Variants in PIEZO2 observed in about 807,000 individuals in gnomAD.
The protein encoded by PIEZO2 is piezo-type mechanosensitive ion channel component 2.
PIEZO2 carries 172 observed loss-of-function variants against 337.3 expected under a neutral mutation model. The ratio of observed to expected loss-of-function variants is 0.51; its 90% CI spans 0.45 to 0.58. The LOEUF is 0.58. Among genes scored for constraint, PIEZO2 ranks in the 20% least tolerant of loss-of-function variants. The pLI is 0.00. For synonymous variants in PIEZO2, 1,251 were observed against 1,228.5 expected (o/e 1.02, Z -0.38); for missense variants, 3,028 against 3,391.3 (o/e 0.89, Z 2.66).
chr18:10,872,626 G>A lies in PIEZO2; in HGVS notation c.330-1211C>T, dbSNP rs1306173762. Among the ~76,000 whole-genome samples, 1 of 152,154 alleles carries A rather than the reference G, an allele frequency of 6.6e-6. No homozygotes were observed. Among genetic ancestry groups the A allele is most frequent in the Admixed American group, 6.5e-5 (1 of 15,280 alleles). On this transcript the variant is annotated intron_variant, in intron 4 of 55. Transcript: ENST00000674853. The surrounding 1 kb of genome is among the most constrained non-coding windows in gnomAD (Gnocchi z 4.3). ...ATCCGGTGCTAGATGCCTGCCCTGT[G>A]TGCCTTTGCAACACTGAGCAACTGG...
rs746580070 is a variant in PIEZO2, at chr18:10,748,462, C to T, written c.4424+9G>A. On this transcript the variant is annotated intron_variant, in intron 30 of 55. Coordinates refer to ENST00000674853, the MANE Select transcript of PIEZO2 (RefSeq NM_001378183.1). The surrounding 1 kb of genome is among the most constrained non-coding windows in gnomAD (Gnocchi z 5.1). ...GGGAGAAACCACCTGATTTCATGGC[C>T]TGACCCACCTTGATGCCAGAATCTG... 7 of 1,536,648 alleles carry T rather than the reference C, an allele frequency of 4.6e-6. No individual in the cohort carries two copies. The highest frequency in any genetic ancestry group is 2.4e-5 in the South Asian group (2 of 83,942).
Position 11,099,310 on chromosome 18 carries a change from C to A in PIEZO2, c.65-33088G>T, listed in dbSNP as rs539667042. Among the ~76,000 whole-genome samples the A allele has an allele frequency of 9.9e-5, 15 of 152,268 alleles. No homozygotes were observed. The South Asian group carries it at 3.1e-3, about 32-fold the overall frequency. On this transcript the variant is annotated intron_variant, in intron 1 of 55. Transcript: ENST00000674853. The surrounding 1 kb of genome is among the most constrained non-coding windows in gnomAD (Gnocchi z 5.4). Reference sequence around the variant, plus strand: ...TTAAATTTTGATAGACAATATCAAACTTGTCTCCAAAAAACAAACTTTGAA... The same window carrying A: ...TTAAATTTTGATAGACAATATCAAAATTGTCTCCAAAAAACAAACTTTGAA...
At chr18:10,725,041 G>A in intron 36 of PIEZO2, 1 of 1,577,536 alleles carries the variant, frequency 6.3e-7, no homozygotes, top group Non-Finnish European at 8.7e-7. Context: ...CATGTTGGTG[G>A]CCCTGCGGCC....
chr18:10,998,583 A>G (rs1215045514), intron 2 of PIEZO2, among the ~76,000 whole-genome samples: 1 of 152,150 alleles, frequency 6.6e-6, no homozygotes, highest in Non-Finnish European at 1.5e-5. Flanking sequence ...CCTAATAAAT[A>G]TCCACTCATA....
intron 4 of PIEZO2, chr18:10,890,758 A>T (rs1029133088): frequency 1.3e-5 from 2 of 151,528 alleles, no homozygotes; most frequent in African/African-American, 4.9e-5. Context: ...GTGGTGACAC[A>T]GCCAAATCAT....
At chr18:11,055,870 T>C (rs940845088) in intron 2 of PIEZO2, among the ~76,000 whole-genome samples, 9 of 152,166 alleles carry the variant, frequency 5.9e-5, no homozygotes, top group Non-Finnish European at 1.0e-4. Flanking sequence ...CTGGGTGTGA[T>C]AGCCACTTCT....
intron 2 of PIEZO2, among the ~76,000 whole-genome samples, chr18:10,998,877 A>AAG (rs2035432574): frequency 6.6e-6 from 1 of 151,570 alleles, no homozygotes; most frequent in African/African-American, 2.4e-5. Context: ...AAAAAAAAAA[A>AAG]AAGAAAGATT....
intron 7 of PIEZO2, among the ~76,000 whole-genome samples, chr18:10,812,476 T>A (rs987102926): frequency 1.3e-5 from 2 of 152,140 alleles, no homozygotes; most frequent in Non-Finnish European, 1.5e-5. Context: ...TGCAACACGC[T>A]ATTTATAGAT....
At chr18:10,702,658 G>A (rs1486444916) in intron 42 of PIEZO2, among the ~76,000 whole-genome samples, 1 of 152,180 alleles carries the variant, frequency 6.6e-6, no homozygotes, top group Non-Finnish European at 1.5e-5. Flanking sequence ...TGCCACATTA[G>A]TCTGGGAGCC....
chr18:10,711,477 A>C (rs565784025), intron 39 of PIEZO2, among the ~76,000 whole-genome samples: 19 of 152,138 alleles, frequency 1.2e-4, no homozygotes, highest in Non-Finnish European at 2.5e-4. Context: ...CCTGTGGGAG[A>C]CTATATGGCT....
chr18:10,832,329 G>T (rs533732134), intron 7 of PIEZO2, among the ~76,000 whole-genome samples: 6 of 152,138 alleles, frequency 3.9e-5, no homozygotes, highest in Admixed American at 6.5e-5. Context: ...TTAGGGGAAG[G>T]GGGGGATATA....
At chr18:10,874,044 T>C (rs569585048) in intron 4 of PIEZO2, among the ~76,000 whole-genome samples, 8 of 151,946 alleles carry the variant, frequency 5.3e-5, no homozygotes, top group Non-Finnish European at 7.4e-5. Flanking sequence ...CCTAGATAAT[T>C]GGAAAAAATA....
Position 10,761,008 on chromosome 18 carries a change from G to T in PIEZO2, c.3353C>A (p.Thr1118Asn). The T allele has an allele frequency of 6.5e-7, 1 of 1,535,026 alleles. No homozygotes were observed. The stretch of plus-strand genomic sequence containing the variant: ...TAGTCTTGTAATGTCATGAAAGATA[G>T]TTCTAGACACAGGGGCCGTCAGGTT... ...RNNLTAPVSR[T>N]IFHDITRLHL... Residue 1118 changes from threonine to asparagine, a missense_variant, in exon 24 of 56, where the codon ACT becomes AAT. Coordinates refer to ENST00000674853, the MANE Select transcript of PIEZO2 (RefSeq NM_001378183.1).
Position 10,727,330 on chromosome 18 carries a change from C to T in PIEZO2, c.5029+4077G>A, listed in dbSNP as rs1430195870. 1 of 157,416 alleles carries T rather than the reference C, an allele frequency of 6.4e-6. No homozygotes were observed. Among genetic ancestry groups the T allele is most frequent in the Non-Finnish European group, 1.4e-5 (1 of 71,622 alleles). 9.8% of individuals were successfully genotyped at this position (157,416 alleles called of 1,614,324 possible). On this transcript the variant is annotated intron_variant, in intron 36 of 55. Transcript: ENST00000674853. This position sits in a 1 kb window ranked among gnomAD's most constrained non-coding sequence, Gnocchi z 6.3. ...GTCTCTCCCTTCCCTCACCTGTCCC[C>T]TTGGTGCTCCTTCAGCATTCGTGCT... is the stretch of plus-strand genomic sequence containing the variant.
chr18:11,134,300 C>G (rs11661381), intron 1 of PIEZO2, among the ~76,000 whole-genome samples: 29,488 of 152,086 alleles, frequency 0.19, 3,938 homozygotes, highest in African/African-American at 0.37. Flanking sequence ...TTCTGGCATT[C>G]TACAGCTGCT....
At chr18:10,809,262 T>C (rs12969680) in intron 7 of PIEZO2, among the ~76,000 whole-genome samples, 148 of 58,158 alleles carry the variant, frequency 2.5e-3, no homozygotes, top group African/African-American at 8.8e-3. Context: ...CTCTCTCTCT[T>C]TTTTTTTTTT....
In PIEZO2 at chr18:10,969,632, T is replaced by C. The variant is rs911678384; in HGVS notation, c.286+9903A>G. Among the ~76,000 whole-genome samples, 4 of 152,146 alleles carry C rather than the reference T, an allele frequency of 2.6e-5. No individual in the cohort carries two copies. The highest frequency in any genetic ancestry group is 9.7e-5 in the African/African-American group (4 of 41,428). ...AATACCAAGTAACTTAATTGATAAA[T>C]AGTTTCTAAAGAGAAATAAAACACG... On this transcript the variant is annotated intron_variant, in intron 3 of 55. Transcript: ENST00000674853. This position sits in a 1 kb window ranked among gnomAD's most constrained non-coding sequence, Gnocchi z 4.5.
chr18:10,740,721 G>A (rs2037182774), intron 33 of PIEZO2: 1 of 512,816 alleles, frequency 2.0e-6, no homozygotes, highest in Non-Finnish European at 3.5e-6. Flanking sequence ...CCTCAGAATT[G>A]GGCAATATAA....
rs889657394 is a variant in PIEZO2 at position 11,078,983 on chromosome 18, A to T, written c.65-12761T>A. 6.6e-6 allele frequency among the ~76,000 whole-genome samples: 1 copy of T among 152,236 alleles called. No homozygotes were observed. Among genetic ancestry groups the T allele is most frequent in the Admixed American group, 6.5e-5 (1 of 15,282 alleles). On this transcript the variant is annotated intron_variant, in intron 1 of 55. Coordinates refer to ENST00000674853, the MANE Select transcript of PIEZO2 (RefSeq NM_001378183.1). The surrounding 1 kb of genome is among the most constrained non-coding windows in gnomAD (Gnocchi z 5.3). The stretch of plus-strand genomic sequence containing the variant: ...TACACCACAGCGTCATACCTTAGAA[A>T]GTTACGGTAGTTAAAAAATTGCTGG...
Sources: allele counts gnomAD v4.1 joint callset (sites outside exome capture counted in the v4.1 genomes callset), GRCh38; gene constraint gnomAD v4.1.1; non-coding constraint Gnocchi (gnomAD v3.1); transcripts MANE v1.5; gene names NCBI Gene and HGNC (gene_info 2026-07-23, HGNC 2026-07-21).